RARB: variants seen among roughly 807,000 people sequenced by gnomAD.
RARB encodes the protein HBV-activated protein.
RARB carries 17 observed loss-of-function variants against 51.9 expected under a neutral mutation model. That is an observed-to-expected ratio of 0.33 (90% CI 0.22 to 0.49). RARB has a LOEUF of 0.49. Among genes scored for constraint, RARB ranks in the 20% least tolerant of loss-of-function variants. The pLI is 0.99. For synonymous variants in RARB, 215 were observed against 195.4 expected, an observed-to-expected ratio of 1.10 and a Z score of -0.84; for missense variants, 369 against 550.8, an observed-to-expected ratio of 0.67 and a Z score of 3.30.
At chr3:25,214,877 C>G (rs1239746152) in intron 5 of RARB, among the ~76,000 whole-genome samples, 1 of 152,162 alleles carries the variant, frequency 6.6e-6, no homozygotes, top group Non-Finnish European at 1.5e-5. Context: ...ATGACCTTCA[C>G]CCATCCACTT....
intron 5 of RARB, among the ~76,000 whole-genome samples, chr3:25,211,975 A>T (rs985674223): frequency 1.3e-5 from 2 of 152,162 alleles, no homozygotes; most frequent in Non-Finnish European, 2.9e-5. Context: ...CAATAATATA[A>T]GGTCTATCTG....
At chr3:24,856,837 C>G (rs148744211) in intron 1 of RARB, among the ~76,000 whole-genome samples, 3 of 152,092 alleles carry the variant, frequency 2.0e-5, no homozygotes, top group Non-Finnish European at 4.4e-5. Context: ...GTCTGTATCT[C>G]GAAAAAGCAA....
At chr3:24,942,381 C>T (rs141514487) in intron 2 of RARB, among the ~76,000 whole-genome samples, 1 of 152,116 alleles carries the variant, frequency 6.6e-6, no homozygotes, top group Non-Finnish European at 1.5e-5. Context: ...TTTATTTACT[C>T]TAATTCATAT....
chr3:25,204,426 G>T (rs142189227), intron 5 of RARB, among the ~76,000 whole-genome samples: 4 of 152,138 alleles, frequency 2.6e-5, no homozygotes, highest in African/African-American at 7.2e-5. Flanking sequence ...CTCTCAACTC[G>T]TCAAAGTTAT....
At chr3:25,418,368 C>A (rs1707766079) in intron 5 of RARB, among the ~76,000 whole-genome samples, 1 of 152,138 alleles carries the variant, frequency 6.6e-6, no homozygotes, top group Non-Finnish European at 1.5e-5. Flanking sequence ...AAATCTTTCT[C>A]ATAAATTATT....
chr3:24,848,006 C>T (rs972905886), intron 1 of RARB, among the ~76,000 whole-genome samples: 1 of 152,146 alleles, frequency 6.6e-6, no homozygotes, highest in African/African-American at 2.4e-5. Flanking sequence ...ATGGGTTTTG[C>T]CTTCAAATAT....
intron 2 of RARB, among the ~76,000 whole-genome samples, chr3:24,905,352 C>A (rs879367973): frequency 2.0e-5 from 3 of 152,142 alleles, no homozygotes; most frequent in African/African-American, 7.2e-5. Flanking sequence ...GTCTTAAGGC[C>A]AAATGCACCT....
At chr3:25,591,246 T>C (rs1286359279) in intron 5 of RARB, among the ~76,000 whole-genome samples, 1 of 152,206 alleles carries the variant, frequency 6.6e-6, no homozygotes, top group African/African-American at 2.4e-5. Flanking sequence ...ATTAAGAAGT[T>C]TGAGGACATG....
chr3:25,081,051 C>T (rs926342238), intron 3 of RARB, among the ~76,000 whole-genome samples: 1 of 151,990 alleles, frequency 6.6e-6, no homozygotes, highest in Non-Finnish European at 1.5e-5. Flanking sequence ...GTTTAATTTG[C>T]TCTTCTTTGC....
intron 5 of RARB, among the ~76,000 whole-genome samples, chr3:25,333,657 A>G (rs2125446481): frequency 6.6e-6 from 1 of 152,376 alleles, no homozygotes; most frequent in South Asian, 2.1e-4. Flanking sequence ...CAATGGCAAC[A>G]AAAGCCAAAA....
intron 5 of RARB, among the ~76,000 whole-genome samples, chr3:25,184,476 T>C (rs1700930835): frequency 2.6e-5 from 4 of 152,064 alleles, no homozygotes; most frequent in Non-Finnish European, 5.9e-5. Context: ...TTAGGAAAGG[T>C]TCATCTTGTT....
At chr3:25,301,108 T>A (rs1299918357) in intron 5 of RARB, among the ~76,000 whole-genome samples, 1 of 152,228 alleles carries the variant, frequency 6.6e-6, no homozygotes, top group Non-Finnish European at 1.5e-5. Context: ...TTTATGGCAG[T>A]TTGACTTAAT....
chr3:25,486,246 T>G (rs1473174932), intron 2 of RARB, among the ~76,000 whole-genome samples: 1 of 152,180 alleles, frequency 6.6e-6, no homozygotes, highest in African/African-American at 2.4e-5. Context: ...GTGTGTTCCT[T>G]TAATAAGACA....
chr3:25,518,802 C>T (rs1225695850), intron 3 of RARB, among the ~76,000 whole-genome samples: 1 of 152,088 alleles, frequency 6.6e-6, no homozygotes, highest in Non-Finnish European at 1.5e-5. Context: ...TAAGGTATAA[C>T]TTACATATCT....
At chr3:25,212,967 T>TAATGTTCTC (rs2125379449) in intron 5 of RARB, among the ~76,000 whole-genome samples, 1 of 152,302 alleles carries the variant, frequency 6.6e-6, no homozygotes, top group East Asian at 1.9e-4. Flanking sequence ...TTGCGGCACG[T>TAATGTTCTC]AATGTTCTCA....
At chr3:24,901,933 A>G (rs1438798236) in intron 2 of RARB, among the ~76,000 whole-genome samples, 1 of 152,042 alleles carries the variant, frequency 6.6e-6, no homozygotes. Context: ...AGTTTTTGCC[A>G]TTGAAAGTAA....
intron 3 of RARB, among the ~76,000 whole-genome samples, chr3:25,505,789 G>A (rs1033048723): frequency 6.6e-6 from 1 of 152,060 alleles, no homozygotes; most frequent in Non-Finnish European, 1.5e-5. Context: ...CTGGTGGCGT[G>A]GGAGGTTTGT....
chr3:25,004,675 A>G (rs1697232553), intron 2 of RARB, among the ~76,000 whole-genome samples: 1 of 152,146 alleles, frequency 6.6e-6, no homozygotes, highest in Non-Finnish European at 1.5e-5. Context: ...TCACTTCTGC[A>G]GTGTGACATT....
chr3:25,417,204 A>C (rs897055409), intron 5 of RARB, among the ~76,000 whole-genome samples: 3 of 151,926 alleles, frequency 2.0e-5, no homozygotes, highest in African/African-American at 7.3e-5. Context: ...CAATTAAAAA[A>C]AAAAAAAAAC....
Sources: gnomAD v4.1 joint callset for allele counts (sites outside exome capture counted in the v4.1 genomes callset) on GRCh38, gnomAD v4.1.1 for gene constraint, MANE v1.5 for transcripts, NCBI Gene and HGNC (gene_info 2026-07-23, HGNC 2026-07-21) for gene names.